ENTREP2: variants seen among roughly 807,000 people sequenced by gnomAD.
The protein encoded by ENTREP2 is endosomal transmembrane epsin interactor 2.
chr15:29,636,662 C>A, the ENTREP2 span, among the ~76,000 whole-genome samples: 1 of 152,198 alleles, frequency 6.6e-6, no homozygotes, highest in African/African-American at 2.4e-5. Flanking sequence ...ACAACCCTGA[C>A]ACCAACATAA....
At chr15:29,145,646 C>CAAAA in the ENTREP2 span, among the ~76,000 whole-genome samples, 1 of 68,998 alleles carries the variant, frequency 1.4e-5, no homozygotes, top group East Asian at 3.9e-4. Flanking sequence ...AAAAAAAAAA[C>CAAAA]AACCAACAAA....
the ENTREP2 span, among the ~76,000 whole-genome samples, chr15:29,149,811 C>T: frequency 5.3e-5 from 8 of 152,210 alleles, no homozygotes; most frequent in African/African-American, 1.9e-4. Context: ...GGGGTCTCAT[C>T]ACGAGAGCAG....
the ENTREP2 span, among the ~76,000 whole-genome samples, chr15:29,522,370 GA>G: frequency 7.9e-5 from 12 of 152,122 alleles, no homozygotes; most frequent in Non-Finnish European, 1.8e-4. Flanking sequence ...AACATAAAAA[GA>G]ATCCTCAAAC....
At chr15:29,232,363 C>G in the ENTREP2 span, among the ~76,000 whole-genome samples, 1 of 152,076 alleles carries the variant, frequency 6.6e-6, no homozygotes, top group East Asian at 1.9e-4. Context: ...AGTCATCTAA[C>G]ATGTAAACTT....
the ENTREP2 span, among the ~76,000 whole-genome samples, chr15:29,398,890 C>A: frequency 6.6e-6 from 1 of 152,056 alleles, no homozygotes; most frequent in Non-Finnish European, 1.5e-5. Flanking sequence ...GGTTACGCTG[C>A]CTGACAATGG....
the ENTREP2 span, among the ~76,000 whole-genome samples, chr15:29,617,151 G>C: frequency 3.3e-5 from 5 of 152,282 alleles, no homozygotes; most frequent in African/African-American, 1.2e-4. Flanking sequence ...CCCACGGCAG[G>C]CTGTCTGCAG....
chr15:29,345,088 T>C, the ENTREP2 span, among the ~76,000 whole-genome samples: 1 of 152,064 alleles, frequency 6.6e-6, no homozygotes, highest in East Asian at 1.9e-4. Flanking sequence ...AGAACTGTCA[T>C]GAAATCCGAA....
the ENTREP2 span, among the ~76,000 whole-genome samples, chr15:29,442,489 A>C: frequency 1.3e-5 from 2 of 152,234 alleles, no homozygotes; most frequent in African/African-American, 4.8e-5. Context: ...TTCATATCAA[A>C]GAGGGGGAAC....
At chr15:29,242,188 G>A in the ENTREP2 span, among the ~76,000 whole-genome samples, 5 of 152,056 alleles carry the variant, frequency 3.3e-5, no homozygotes, top group South Asian at 2.1e-4. Context: ...CCCTGCCCCC[G>A]GTTCAAGTAG....
chr15:29,396,652 C>T, the ENTREP2 span, among the ~76,000 whole-genome samples: 2 of 152,106 alleles, frequency 1.3e-5, no homozygotes, highest in African/African-American at 4.8e-5. Context: ...GTTGCTTATG[C>T]CTTTGGCATC....
At chr15:29,657,072 G>C in the ENTREP2 span, among the ~76,000 whole-genome samples, 10 of 152,162 alleles carry the variant, frequency 6.6e-5, no homozygotes, top group South Asian at 1.9e-3. Flanking sequence ...TTTTGAGACC[G>C]AGTCTCCCGC....
the ENTREP2 span, among the ~76,000 whole-genome samples, chr15:29,159,113 C>G: frequency 6.6e-6 from 1 of 152,130 alleles, no homozygotes; most frequent in Non-Finnish European, 1.5e-5. Flanking sequence ...TGTGGACCCT[C>G]GCGCTGAGTG....
At chr15:29,442,899 G>A in the ENTREP2 span, among the ~76,000 whole-genome samples, 2,023 of 152,210 alleles carry the variant, frequency 0.013, 43 homozygotes, top group African/African-American at 0.047. Context: ...GCCTCCCTTA[G>A]AGCCCCCAGA....
the ENTREP2 span, among the ~76,000 whole-genome samples, chr15:29,584,997 G>GGATAGACA: frequency 2.1e-3 from 318 of 150,710 alleles, 1 homozygote; most frequent in African/African-American, 7.1e-3. Context: ...AAAGATCGAT[G>GGATAGACA]GATAGATAGA....
chr15:29,392,062 T>G, the ENTREP2 span, among the ~76,000 whole-genome samples: 1 of 152,054 alleles, frequency 6.6e-6, no homozygotes, highest in Non-Finnish European at 1.5e-5. Context: ...TCTCCTGACC[T>G]CGTGATCTGC....
At chr15:29,420,110 T>C in the ENTREP2 span, among the ~76,000 whole-genome samples, 1 of 152,074 alleles carries the variant, frequency 6.6e-6, no homozygotes, top group Non-Finnish European at 1.5e-5. Context: ...GAACAACCCA[T>C]TGTGCACCTC....
chr15:29,331,200 A>G, the ENTREP2 span, among the ~76,000 whole-genome samples: 2 of 152,350 alleles, frequency 1.3e-5, no homozygotes, highest in African/African-American at 4.8e-5. Flanking sequence ...TTTTAGAAGG[A>G]CCAAAGAGGG....
At chr15:29,575,882 A>G in the ENTREP2 span, among the ~76,000 whole-genome samples, 1 of 152,226 alleles carries the variant, frequency 6.6e-6, no homozygotes, top group Non-Finnish European at 1.5e-5. Flanking sequence ...GTTCATGCAT[A>G]GAAAGACAAT....
At chr15:29,442,176 A>C in the ENTREP2 span, among the ~76,000 whole-genome samples, 1 of 152,186 alleles carries the variant, frequency 6.6e-6, no homozygotes, top group Admixed American at 6.5e-5. Context: ...TTGTTAATAG[A>C]TGGGTAGGAA....
Sources: gnomAD v4.1 joint callset for allele counts (sites outside exome capture counted in the v4.1 genomes callset) on GRCh38, gnomAD v4.1.1 for gene constraint, MANE v1.5 for transcripts, NCBI Gene and HGNC (gene_info 2026-07-23, HGNC 2026-07-21) for gene names.